CLIC5: variants seen among roughly 807,000 people sequenced by gnomAD.
CLIC5 encodes chloride intracellular channel protein 5.
Under a neutral mutation model 24.7 loss-of-function variants are expected in CLIC5, and 20 were observed. The ratio of observed to expected loss-of-function variants is 0.81; its 90% CI spans 0.57 to 1.18. CLIC5 has a LOEUF of 1.18. CLIC5 is among the 50% of genes most tolerant of loss of function. The pLI, the probability that CLIC5 is intolerant of heterozygous loss-of-function variation, is 0.00. For missense variants in CLIC5, 341 were observed against 326.1 expected (o/e 1.05, Z -0.35); for synonymous variants, 159 against 135.6 (o/e 1.17, Z -1.20).
rs1762950426 is a variant in CLIC5, at chr6:45,914,614, A to C, written c.407-205T>G. 3.1e-6 allele frequency: 3 copies of C among 961,896 alleles called. No individual in the cohort carries two copies. In the East Asian group the frequency reaches 1.1e-4, roughly 35 times the overall value. The allele number at this position is 961,896 out of a possible 1,614,324, so 59.6% of individuals were successfully genotyped here. A position where few individuals can be genotyped will look rare whatever the true frequency, so the allele number is the denominator to read the frequency against. ...GGCTGAAAAGGCAAACTCTAACCAA[A>C]CAATAAACACTAGCTAATCTTTTGC... On this transcript the variant is annotated intron_variant, in intron 4 of 5. Transcript: ENST00000339561.
intron 1 of CLIC5, among the ~76,000 whole-genome samples, chr6:46,065,806 T>C (rs1425047263): frequency 6.6e-6 from 1 of 152,084 alleles, no homozygotes; most frequent in Non-Finnish European, 1.5e-5. Context: ...TTTGAGGTGA[T>C]GGGAATGTGC....
intron 1 of CLIC5, among the ~76,000 whole-genome samples, chr6:46,025,603 C>T (rs915693854): frequency 2.0e-5 from 3 of 152,090 alleles, no homozygotes; most frequent in Non-Finnish European, 2.9e-5. Context: ...ATAGTAAAGG[C>T]CCAGCCTGGA....
At chr6:45,894,849 G>A (rs957946973), downstream of CLIC5, among the ~76,000 whole-genome samples, 1 of 152,160 alleles carries the variant, frequency 6.6e-6, no homozygotes, top group South Asian at 2.1e-4. Flanking sequence ...AATTATTGTC[G>A]AGCAAGCTGT....
At chr6:45,990,245 T>C (rs1452810904) in intron 1 of CLIC5, among the ~76,000 whole-genome samples, 5 of 152,224 alleles carry the variant, frequency 3.3e-5, no homozygotes, top group African/African-American at 1.2e-4. Context: ...CTTCACCCTC[T>C]GATTCACTGT....
chr6:45,958,891 C>A (rs529712430), intron 1 of CLIC5, among the ~76,000 whole-genome samples: 1 of 152,070 alleles, frequency 6.6e-6, no homozygotes, highest in South Asian at 2.1e-4. Flanking sequence ...ATGTCCCTCC[C>A]TTTTTGTGGC....
chr6:46,060,166 T>A (rs576467218), intron 1 of CLIC5, among the ~76,000 whole-genome samples: 4 of 152,208 alleles, frequency 2.6e-5, no homozygotes, highest in Non-Finnish European at 5.9e-5. Context: ...GTCAGTCTCT[T>A]TGAGTCTCAA....
At chr6:46,100,996 C>G in the CLIC5 span, among the ~76,000 whole-genome samples, 1 of 152,118 alleles carries the variant, frequency 6.6e-6, no homozygotes, top group Non-Finnish European at 1.5e-5. Flanking sequence ...ACAGGACATA[C>G]GACCTCATCC....
intron 1 of CLIC5, among the ~76,000 whole-genome samples, chr6:46,036,388 G>T (rs901249790): frequency 1.3e-4 from 18 of 138,296 alleles, no homozygotes; most frequent in Admixed American, 6.5e-4. Context: ...TCGGTTCACT[G>T]CAAGCTCTGC....
intron 1 of CLIC5, among the ~76,000 whole-genome samples, chr6:46,048,745 G>A (rs750942495): frequency 6.6e-6 from 1 of 152,096 alleles, no homozygotes. Context: ...AGTTTAACCA[G>A]TGAGAAGTTG....
chr6:45,965,124 A>G (rs1764975385), intron 1 of CLIC5, among the ~76,000 whole-genome samples: 1 of 152,180 alleles, frequency 6.6e-6, no homozygotes, highest in African/African-American at 2.4e-5. Context: ...AATAAATTCA[A>G]CAAAGAAAGA....
chr6:46,079,875 T>G (rs1482416989), exon 1 of CLIC5: 4 of 1,552,132 alleles, frequency 2.6e-6, no homozygotes, highest in Non-Finnish European at 3.5e-6. Context: ...CTCCTGGAGT[T>G]CTGCTGCGCA....
At chr6:46,023,658 C>G (rs1767247982) in intron 1 of CLIC5, among the ~76,000 whole-genome samples, 1 of 151,968 alleles carries the variant, frequency 6.6e-6, no homozygotes, top group African/African-American at 2.4e-5. Flanking sequence ...AATACTCAGC[C>G]CTAGGAAATG....
rs9463166 is a variant in CLIC5 at position 46,005,181 on chromosome 6, A to C, written c.63+10299T>G. Among the ~76,000 whole-genome samples, 763 of 152,322 alleles carry C rather than the reference A, an allele frequency of 5.0e-3. 5 individuals carry two copies. Among genetic ancestry groups the C allele is most frequent in the African/African-American group, 0.018 (734 of 41,580 alleles). Reference sequence around the variant, plus strand: ...TGGGACATGGTGTTACTTCGTCTCTATTCTAGGTAATGGGTTCCCAGTTGG... The same window carrying C: ...TGGGACATGGTGTTACTTCGTCTCTCTTCTAGGTAATGGGTTCCCAGTTGG... On this transcript the variant is annotated intron_variant, in intron 1 of 5. Transcript: ENST00000339561.
At chr6:45,888,787 T>C (rs1762326250) in intron 6 of CLIC5, among the ~76,000 whole-genome samples, 1 of 152,226 alleles carries the variant, frequency 6.6e-6, no homozygotes, top group Admixed American at 6.5e-5. Flanking sequence ...TATTAGGTCT[T>C]TGTTTTTACT....
intron 1 of CLIC5, among the ~76,000 whole-genome samples, chr6:46,004,914 AC>A (rs1766496126): frequency 6.6e-6 from 1 of 152,322 alleles, no homozygotes; most frequent in African/African-American, 2.4e-5. Context: ...AATTCTAAAG[AC>A]ACTGCTGTCT....
At chr6:46,114,352 A>G in the CLIC5 span, among the ~76,000 whole-genome samples, 16 of 152,226 alleles carry the variant, frequency 1.1e-4, no homozygotes, top group African/African-American at 3.9e-4. Context: ...AATTTTACCT[A>G]TTGGCAGCAC....
intron 1 of CLIC5, among the ~76,000 whole-genome samples, chr6:46,053,486 C>T (rs6927513): frequency 0.12 from 18,485 of 152,176 alleles, 1,225 homozygotes; most frequent in Middle Eastern, 0.17. Flanking sequence ...GTGATGTGCA[C>T]AACCTCATAT....
chr6:45,930,076 T>C (rs1581753300), intron 4 of CLIC5, among the ~76,000 whole-genome samples: 1 of 152,086 alleles, frequency 6.6e-6, no homozygotes, highest in African/African-American at 2.4e-5. Context: ...ACACTCTTTT[T>C]TAAACGTGGC....
chr6:45,958,077 T>G (rs1000699066), intron 1 of CLIC5, among the ~76,000 whole-genome samples: 1 of 152,004 alleles, frequency 6.6e-6, no homozygotes, highest in Non-Finnish European at 1.5e-5. Flanking sequence ...TCCTTGCAGG[T>G]GGAATCAACT....
Sources: gnomAD v4.1 joint callset for allele counts (sites outside exome capture counted in the v4.1 genomes callset) on GRCh38, gnomAD v4.1.1 for gene constraint, MANE v1.5 for transcripts, NCBI Gene and HGNC (gene_info 2026-07-23, HGNC 2026-07-21) for gene names.